Variants in NHSL2 observed in about 807,000 individuals in gnomAD.
The protein encoded by NHSL2 is NHS like 2.
A neutral mutation model predicts 53.4 loss-of-function variants in NHSL2; 27 were observed. The ratio of observed to expected loss-of-function variants is 0.51; its 90% CI spans 0.37 to 0.70. The LOEUF (loss-of-function observed/expected upper bound fraction) is 0.70, where lower values mean the gene tolerates loss of function less well. Ranked by LOEUF, NHSL2 falls within the 30% of genes least tolerant of loss-of-function variation. The pLI is 0.00. For synonymous variants in NHSL2, 408 were observed against 404.1 expected (o/e 1.01, Z -0.12); for missense variants, 892 against 980.1 (o/e 0.91, Z 1.20).
At chrX:71,978,410 G>A (rs770447320) in intron 1 of NHSL2, among the ~76,000 whole-genome samples, 2 of 112,064 alleles carry the variant, frequency 1.8e-5, no homozygotes, top group South Asian at 7.5e-4. Flanking sequence ...TTGGTGCCAG[G>A]ACTCTGCACA....
intron 1 of NHSL2, among the ~76,000 whole-genome samples, chrX:72,087,871 C>A (rs575148310): frequency 1.8e-5 from 2 of 109,129 alleles, no homozygotes; most frequent in African/African-American, 3.3e-5. Flanking sequence ...GACTCCATCT[C>A]GAGAAACAAA....
chrX:71,955,517 T>G (rs2041839093), intron 1 of NHSL2, among the ~76,000 whole-genome samples: 1 of 110,664 alleles, frequency 9.0e-6, no homozygotes, highest in African/African-American at 3.3e-5. Flanking sequence ...TGTCCAAGTT[T>G]GCCTATTCTG....
chrX:71,971,296 C>T (rs2041923964), intron 1 of NHSL2, among the ~76,000 whole-genome samples: 1 of 111,857 alleles, frequency 8.9e-6, no homozygotes, highest in Non-Finnish European at 1.9e-5. Context: ...TTTTATATAG[C>T]TCCCTTCCCC....
intron 1 of NHSL2, among the ~76,000 whole-genome samples, chrX:72,039,117 CT>C (rs1470008472): frequency 1.1e-5 from 1 of 92,782 alleles, no homozygotes; most frequent in African/African-American, 4.1e-5. Context: ...CTTTCCTTTC[CT>C]TTCCTTTCCT....
intron 1 of NHSL2, among the ~76,000 whole-genome samples, chrX:72,126,568 C>A (rs2042227444): frequency 1.7e-5 from 1 of 60,116 alleles, no homozygotes; most frequent in Non-Finnish European, 5.1e-5. Context: ...CACCCACTTC[C>A]CCTGGAAAAA....
chrX:71,983,040 A>C (rs1005347108), intron 1 of NHSL2, among the ~76,000 whole-genome samples: 2 of 111,642 alleles, frequency 1.8e-5, no homozygotes, highest in African/African-American at 6.5e-5. Flanking sequence ...TAGTATCAGA[A>C]TTGAACTGGA....
intron 1 of NHSL2, among the ~76,000 whole-genome samples, chrX:71,917,914 C>T (rs1278325576): frequency 8.9e-6 from 1 of 111,914 alleles, no homozygotes; most frequent in South Asian, 3.7e-4. Flanking sequence ...AAGTTCCTCA[C>T]ATCCTGTTTG....
intron 1 of NHSL2, among the ~76,000 whole-genome samples, chrX:71,936,698 C>A (rs1016237903): frequency 8.9e-6 from 1 of 111,943 alleles, no homozygotes; most frequent in South Asian, 3.7e-4. Flanking sequence ...CAAGTTTGAA[C>A]GAAGGTGTCT....
intron 1 of NHSL2, among the ~76,000 whole-genome samples, chrX:71,973,117 A>G (rs775511483): frequency 1.2e-4 from 13 of 111,780 alleles, no homozygotes; most frequent in Non-Finnish European, 1.9e-4. Context: ...TTGTTCAGTC[A>G]GTGATTTGTC....
intron 1 of NHSL2, among the ~76,000 whole-genome samples, chrX:71,973,372 A>T (rs1295380200): frequency 8.9e-6 from 1 of 111,871 alleles, no homozygotes; most frequent in East Asian, 2.8e-4. Flanking sequence ...TGTTGCTACT[A>T]GTTTCATGAA....
At chrX:72,130,722 T>G in intron 1 of NHSL2, 1 of 1,211,821 alleles carries the variant, frequency 8.3e-7, no homozygotes, top group Non-Finnish European at 1.1e-6. Flanking sequence ...GGAATTGGTT[T>G]TGGAGGCGGC....
intron 1 of NHSL2, among the ~76,000 whole-genome samples, chrX:71,964,031 A>ATATATGTATATATATG (rs1473880519): frequency 2.5e-5 from 1 of 40,252 alleles, no homozygotes; most frequent in African/African-American, 1.5e-4. Context: ...ATATGTGTAT[A>ATATATGTATATATATG]TATATATATA....
intron 1 of NHSL2, among the ~76,000 whole-genome samples, chrX:71,972,991 A>G (rs1480783726): frequency 1.8e-5 from 2 of 111,045 alleles, no homozygotes; most frequent in African/African-American, 6.6e-5. Flanking sequence ...CTCTCCAGTC[A>G]TTCCTGAGAG....
At chrX:72,007,096 T>C (rs768707671) in intron 1 of NHSL2, among the ~76,000 whole-genome samples, 10 of 111,347 alleles carry the variant, frequency 9.0e-5, no homozygotes, top group Non-Finnish European at 1.5e-4. Context: ...TGGATGAGGG[T>C]TTGTGGAAGA....
intron 1 of NHSL2, among the ~76,000 whole-genome samples, chrX:71,995,713 C>T (rs191249484): frequency 2.8e-4 from 32 of 112,408 alleles, no homozygotes; most frequent in African/African-American, 8.7e-4. Context: ...TGAGCCCCTC[C>T]GTTGTTTCAT....
At chrX:72,050,982 T>G (rs1326129879) in intron 1 of NHSL2, among the ~76,000 whole-genome samples, 1 of 111,700 alleles carries the variant, frequency 9.0e-6, no homozygotes, top group African/African-American at 3.3e-5. Context: ...CAGTCCTATT[T>G]TTTATTGTCT....
intron 1 of NHSL2, among the ~76,000 whole-genome samples, chrX:71,988,955 C>T (rs1048609842): frequency 1.8e-5 from 2 of 112,125 alleles, no homozygotes; most frequent in East Asian, 5.6e-4. Context: ...CATTGTCTAA[C>T]TCATCACTAT....
intron 1 of NHSL2, among the ~76,000 whole-genome samples, chrX:71,922,359 GA>G (rs756314934): frequency 5.8e-4 from 65 of 111,650 alleles, no homozygotes; most frequent in African/African-American, 2.1e-3. Flanking sequence ...GCCCCCCTGG[GA>G]AATACGAAGG....
intron 1 of NHSL2, chrX:72,131,174 G>A: frequency 8.5e-7 from 1 of 1,178,489 alleles, no homozygotes. Context: ...GGGATGGGCA[G>A]CAGAGGGGGG....
Sources: allele counts gnomAD v4.1 joint callset (sites outside exome capture counted in the v4.1 genomes callset), GRCh38; gene constraint gnomAD v4.1.1; transcripts MANE v1.5; gene names NCBI Gene and HGNC (gene_info 2026-07-23, HGNC 2026-07-21).